Variants in PPP4R4 observed in about 807,000 individuals in gnomAD.
The protein encoded by PPP4R4 is protein phosphatase 4 regulatory subunit 4.
In PPP4R4, 70 loss-of-function variants were observed where a neutral mutation model predicts 121.8. The ratio of observed to expected loss-of-function variants is 0.57; its 90% CI spans 0.47 to 0.70. The LOEUF is 0.70. Among genes scored for constraint, PPP4R4 ranks in the 30% least tolerant of loss-of-function variants. PPP4R4 has a pLI of 0.00. For synonymous variants in PPP4R4, 348 were observed against 355.7 expected, an observed-to-expected ratio of 0.98 and a Z score of 0.24; for missense variants, 875 against 1,033.6, an observed-to-expected ratio of 0.85 and a Z score of 2.10.
At position 94,214,272 on chromosome 14, in the gene PPP4R4, C is replaced by T. The variant is rs540763132; in HGVS notation, c.294+5706C>T. On this transcript the variant is annotated intron_variant, in intron 3 of 24. Transcript: ENST00000304338. Reference sequence around the variant, plus strand: ...CACGTACATGTAGAATGGTATATAACGCTGATTTATGTTCGAGAGAGACTT... The same window carrying T: ...CACGTACATGTAGAATGGTATATAATGCTGATTTATGTTCGAGAGAGACTT... 2.2e-4 allele frequency among the ~76,000 whole-genome samples: 34 copies of T among 152,168 alleles called. 2 individuals carry two copies. The South Asian group carries it at 4.2e-3, about 19-fold the overall frequency.
chr14:94,244,596 G>A (rs1467726144), intron 11 of PPP4R4, 39 bp from the exon 12 acceptor site: 8 of 1,413,398 alleles, frequency 5.7e-6, no homozygotes, highest in Non-Finnish European at 7.6e-6. Context: ...TATCTGTCTA[G>A]TACTCTCAAA....
chr14:94,250,574 A>G (rs1332432290), intron 15 of PPP4R4, among the ~76,000 whole-genome samples: 1 of 152,008 alleles, frequency 6.6e-6, no homozygotes, highest in Non-Finnish European at 1.5e-5. Context: ...AAATATAAAT[A>G]GAATATCCAT....
chr14:94,202,330 A>C (rs1890234019), intron 2 of PPP4R4, among the ~76,000 whole-genome samples: 1 of 152,234 alleles, frequency 6.6e-6, no homozygotes, highest in South Asian at 2.1e-4. Context: ...CGAATCTAAG[A>C]AAATGTGTGT....
At chr14:94,197,115 T>A (rs1332993258) in intron 2 of PPP4R4, among the ~76,000 whole-genome samples, 2 of 152,194 alleles carry the variant, frequency 1.3e-5, no homozygotes, top group Non-Finnish European at 2.9e-5. Context: ...TCTGTTTCTC[T>A]CCTGTACTTT....
chr14:94,265,432 C>G lies in PPP4R4; in HGVS notation c.2243C>G (p.Pro748Arg), dbSNP rs1294267706. 2.5e-6 allele frequency: 4 copies of G among 1,613,156 alleles called. No homozygotes were observed. The highest frequency in any genetic ancestry group is 2.5e-6 in the Non-Finnish European group (3 of 1,179,200). The change falls in exon 21 of 25, where the codon CCC (proline) becomes CGC (arginine). Residue 748 changes from proline to arginine, a missense_variant. By Grantham distance (103) the Pro-to-Arg change is moderately radical. Coordinates refer to ENST00000304338, the MANE Select transcript of PPP4R4 (RefSeq NM_058237.2). Reference sequence around the variant, plus strand: ...ACGCAAAGTCTGCCCAAGAACATCCCCATTTCTGTTCCTGGACCCTCTTCT... The same window carrying G: ...ACGCAAAGTCTGCCCAAGAACATCCGCATTTCTGTTCCTGGACCCTCTTCT... ...TPTQSLPKNI[P>R]ISVPGPSSVT...
chr14:94,242,194 C>T, intron 10 of PPP4R4, 95 bp from the exon 11 acceptor site: 1 of 1,412,834 alleles, frequency 7.1e-7, no homozygotes, highest in Non-Finnish European at 9.7e-7. Flanking sequence ...ATTCAGAGAA[C>T]ATGATTTCAA....
At chr14:94,234,409 A>G (rs1193471071) in intron 6 of PPP4R4, among the ~76,000 whole-genome samples, 153 bp from the exon 7 acceptor site, 1 of 152,224 alleles carries the variant, frequency 6.6e-6, no homozygotes, top group East Asian at 1.9e-4. Flanking sequence ...TCCAAATTTA[A>G]TAACATGTAA....
Position 94,251,874 on chromosome 14 carries a change from C to T in PPP4R4, c.1843C>T (p.His615Tyr), listed in dbSNP as rs1893201845. 1 of 1,585,640 alleles carries T rather than the reference C, an allele frequency of 6.3e-7. No individual in the cohort carries two copies. Among genetic ancestry groups the T allele is most frequent in the Non-Finnish European group, 8.6e-7 (1 of 1,165,696 alleles). ...YFFLPAIELTHDPVANVRMKL... is the reference protein window; with the variant it reads ...YFFLPAIELTYDPVANVRMKL... The stretch of plus-strand genomic sequence containing the variant: ...CTTTCTACCTGCTATTGAACTGACA[C>T]ATGATCCAGTAGCAAATGTGAGGTA... The change falls in exon 16 of 25, where the codon CAT (histidine) becomes TAT (tyrosine). Residue 615 changes from histidine (H) to tyrosine (Y), a missense_variant. Coordinates refer to ENST00000304338, the MANE Select transcript of PPP4R4 (RefSeq NM_058237.2).
intron 16 of PPP4R4, among the ~76,000 whole-genome samples, chr14:94,253,430 A>G (rs906491701): frequency 2.0e-5 from 3 of 152,222 alleles, no homozygotes; most frequent in African/African-American, 4.8e-5. Context: ...ACTGCACTCC[A>G]GCCTAGGTGA....
At chr14:94,258,048 G>GA (rs1336554212) in intron 17 of PPP4R4, among the ~76,000 whole-genome samples, 1 of 152,086 alleles carries the variant, frequency 6.6e-6, no homozygotes, top group Non-Finnish European at 1.5e-5. Context: ...TATAATATGA[G>GA]AAGTAACTTT....
chr14:94,233,508 C>G (rs1892165159), intron 5 of PPP4R4, 145 bp from the exon 6 acceptor site: 1 of 566,138 alleles, frequency 1.8e-6, no homozygotes, highest in Admixed American at 3.6e-5. Context: ...TAAGATAATC[C>G]AAGTTATTGA....
At chr14:94,232,885 C>T (rs1194189939) in intron 5 of PPP4R4, among the ~76,000 whole-genome samples, 3 of 151,904 alleles carry the variant, frequency 2.0e-5, no homozygotes, top group Non-Finnish European at 4.4e-5. Flanking sequence ...GGTGAAACCC[C>T]GTCTCTACTA....
At chr14:94,230,923 A>G (rs1891998839) in intron 4 of PPP4R4, among the ~76,000 whole-genome samples, 189 bp downstream of exon 4, 1 of 152,194 alleles carries the variant, frequency 6.6e-6, no homozygotes, top group South Asian at 2.1e-4. Context: ...AATATCCTTG[A>G]AAGCTGAAGA....
chr14:94,193,340 T>G (rs895968120), intron 2 of PPP4R4, among the ~76,000 whole-genome samples: 1 of 152,164 alleles, frequency 6.6e-6, no homozygotes, highest in Non-Finnish European at 1.5e-5. Context: ...GTATGAGTTT[T>G]GGAGTAGTAC....
chr14:94,200,944 C>T (rs1335021123), intron 2 of PPP4R4, among the ~76,000 whole-genome samples: 3 of 151,980 alleles, frequency 2.0e-5, no homozygotes, highest in African/African-American at 7.2e-5. Context: ...CTCTTTCAGA[C>T]TTTTTGATGT....
intron 3 of PPP4R4, chr14:94,227,918 G>A: frequency 1.0e-6 from 1 of 965,464 alleles, no homozygotes; most frequent in Non-Finnish European, 1.2e-6. Flanking sequence ...TGTTAGTGTG[G>A]AAGAAATGTT....
chr14:94,180,051 C>G (rs573207148), intron 2 of PPP4R4, among the ~76,000 whole-genome samples: 6 of 152,184 alleles, frequency 3.9e-5, no homozygotes, highest in Non-Finnish European at 8.8e-5. Context: ...TCGAGCCCTG[C>G]TTTTCATTTG....
chr14:94,201,491 G>GAGCTCCAGTGTTAGGTGTATAT (rs1405779560), intron 2 of PPP4R4, among the ~76,000 whole-genome samples: 7 of 152,086 alleles, frequency 4.6e-5, no homozygotes, highest in Non-Finnish European at 8.8e-5. Context: ...ATAAATTTGG[G>GAGCTCCAGTGTTAGGTGTATAT]AGCTCCAGTG....
intron 13 of PPP4R4, among the ~76,000 whole-genome samples, 187 bp from the exon 14 acceptor site, chr14:94,246,170 T>A (rs1892883491): frequency 6.6e-6 from 1 of 152,188 alleles, no homozygotes; most frequent in African/African-American, 2.4e-5. Context: ...TCATACTTTT[T>A]ACTTAATGAT....
Sources: gnomAD v4.1 joint callset for allele counts (sites outside exome capture counted in the v4.1 genomes callset) on GRCh38, gnomAD v4.1.1 for gene constraint, MANE v1.5 for transcripts, NCBI Gene and HGNC (gene_info 2026-07-23, HGNC 2026-07-21) for gene names.